The following TENM2 variants were observed in gnomAD, a reference collection of about 807,000 sequenced individuals.
TENM2 encodes the protein teneurin-2.
TENM2 carries 52 observed loss-of-function variants against 245.2 expected under a neutral mutation model. The ratio of observed to expected loss-of-function variants is 0.21; its 90% CI spans 0.17 to 0.27. The LOEUF (loss-of-function observed/expected upper bound fraction) is 0.27. Among genes scored for constraint, TENM2 ranks in the 10% least tolerant of loss-of-function variants. The pLI is 1.00. For synonymous variants in TENM2, 1,363 were observed against 1,438.9 expected (o/e 0.95, Z 1.19); for missense variants, 3,046 against 3,666.8 (o/e 0.83, Z 4.37).
Position 167,368,323 on chromosome 5 carries a change from G to A in TENM2, c.227-6875G>A, listed in dbSNP as rs192227173. Among the ~76,000 whole-genome samples, 294 of 152,014 alleles carry A rather than the reference G, an allele frequency of 1.9e-3. 3 individuals are homozygous for A. The South Asian group carries it at 0.029, about 15-fold the overall frequency. On this transcript the variant is annotated intron_variant, in intron 1 of 28. Coordinates refer to ENST00000518659, the Ensembl canonical transcript of TENM2. ...AAAGTGATAAAGAATAACAGTTTGG[G>A]GGTGGGGCATATATAGTCATGTTAC...
At chr5:167,929,958 T>C (rs1778152497) in intron 3 of TENM2, among the ~76,000 whole-genome samples, 1 of 152,218 alleles carries the variant, frequency 6.6e-6, no homozygotes, top group African/African-American at 2.4e-5. Context: ...CCTTCTGTCC[T>C]CTTCATGCAC....
At chr5:167,653,509 C>T (rs1226669178) in intron 2 of TENM2, 1 of 152,118 alleles carries the variant, frequency 6.6e-6, no homozygotes, top group Non-Finnish European at 1.5e-5. Flanking sequence ...TCTCATATTT[C>T]CCACTTTTTT....
chr5:167,954,690 C>T (rs1010340724), intron 4 of TENM2, among the ~76,000 whole-genome samples: 2 of 152,108 alleles, frequency 1.3e-5, no homozygotes, highest in African/African-American at 2.4e-5. Flanking sequence ...TTGTTCAGCT[C>T]CCACTTATGA....
At chr5:168,236,939 CATATATATATATATATATATATATATAT>C (rs1269930483) in intron 25 of TENM2, among the ~76,000 whole-genome samples, 707 of 33,578 alleles carry the variant, frequency 0.021, 28 homozygotes, top group Middle Eastern at 0.071. Context: ...ATGTCCTAAT[CATATATATATATATATATATATATATAT>C]ATATATATAT....
intron 6 of TENM2, among the ~76,000 whole-genome samples, chr5:168,051,575 C>T (rs1448491862): frequency 2.0e-5 from 3 of 152,136 alleles, no homozygotes; most frequent in Non-Finnish European, 2.9e-5. Context: ...ATCAAACTCC[C>T]AATACATCAC....
the TENM2 span, among the ~76,000 whole-genome samples, chr5:167,221,180 T>C: frequency 6.6e-6 from 1 of 152,114 alleles, no homozygotes; most frequent in Non-Finnish European, 1.5e-5. Flanking sequence ...CCGATGGATA[T>C]GGTCCCTGCC....
chr5:167,134,687 A>G, the TENM2 span, among the ~76,000 whole-genome samples: 871 of 152,270 alleles, frequency 5.7e-3, 9 homozygotes, highest in African/African-American at 0.02. Flanking sequence ...CCCATTTTTC[A>G]ACGCTGTTTT....
At chr5:168,160,203 A>G (rs994758071) in intron 12 of TENM2, among the ~76,000 whole-genome samples, 1 of 152,176 alleles carries the variant, frequency 6.6e-6, no homozygotes, top group African/African-American at 2.4e-5. Context: ...TTCCTTGAGA[A>G]CCTGTGAAAT....
chr5:168,216,706 A>T, intron 21 of TENM2, 62 bp from the exon 24 acceptor site: 1 of 1,569,454 alleles, frequency 6.4e-7, no homozygotes, highest in Non-Finnish European at 8.8e-7. Flanking sequence ...CTCATCTCCC[A>T]CCTCCACCCC....
chr5:167,389,400 T>G (rs1181248683), intron 2 of TENM2, among the ~76,000 whole-genome samples: 2 of 151,962 alleles, frequency 1.3e-5, no homozygotes, highest in Non-Finnish European at 2.9e-5. Flanking sequence ...AGAGGGAAAT[T>G]AATAATTTTA....
intron 2 of TENM2, among the ~76,000 whole-genome samples, chr5:167,596,965 G>A (rs1053900848): frequency 1.3e-5 from 2 of 152,080 alleles, no homozygotes; most frequent in African/African-American, 4.8e-5. Context: ...AGCACCTGTA[G>A]GGGACAGTTC....
chr5:167,746,706 A>C (rs186633040), intron 2 of TENM2, among the ~76,000 whole-genome samples: 1 of 142,490 alleles, frequency 7.0e-6, no homozygotes, highest in Non-Finnish European at 1.6e-5. Context: ...AGAGAGAGAG[A>C]GAGAGAGAGC....
chr5:167,773,488 T>C (rs1165000841), intron 2 of TENM2, among the ~76,000 whole-genome samples: 2 of 152,180 alleles, frequency 1.3e-5, no homozygotes, highest in African/African-American at 4.8e-5. Context: ...ATCAACTTCA[T>C]AGATATTTTC....
At chr5:167,653,005 G>C (rs1754581472) in intron 2 of TENM2, among the ~76,000 whole-genome samples, 1 of 152,016 alleles carries the variant, frequency 6.6e-6, no homozygotes, top group Non-Finnish European at 1.5e-5. Flanking sequence ...CTAGCTTACT[G>C]CTTTTCATAT....
intron 4 of TENM2, among the ~76,000 whole-genome samples, chr5:167,979,133 A>G (rs1782649398): frequency 6.6e-6 from 1 of 152,206 alleles, no homozygotes; most frequent in African/African-American, 2.4e-5. Flanking sequence ...GCAACTCTTC[A>G]GACAGATGTC....
chr5:167,711,505 G>A (rs1466454059), intron 2 of TENM2, among the ~76,000 whole-genome samples: 1 of 152,026 alleles, frequency 6.6e-6, no homozygotes, highest in East Asian at 1.9e-4. Context: ...AATATTTCCA[G>A]CAATCTGCTT....
At chr5:167,342,205 A>G (rs772828139) in intron 1 of TENM2, among the ~76,000 whole-genome samples, 68 of 152,252 alleles carry the variant, frequency 4.5e-4, no homozygotes, top group African/African-American at 1.6e-3. Context: ...CCTGGATACC[A>G]CATTACTTAG....
intron 4 of TENM2, chr5:167,965,449 G>A (rs1781318803): frequency 1.3e-5 from 2 of 152,070 alleles, no homozygotes; most frequent in Admixed American, 6.6e-5. Context: ...AGATGCAGTG[G>A]TTCATACCTA....
chr5:167,695,200 G>A (rs1451100424), intron 2 of TENM2, among the ~76,000 whole-genome samples: 2 of 152,106 alleles, frequency 1.3e-5, no homozygotes, highest in Non-Finnish European at 1.5e-5. Flanking sequence ...CATAATGAGG[G>A]GTAGGCAAAC....
Sources: allele counts gnomAD v4.1 joint callset (sites outside exome capture counted in the v4.1 genomes callset), GRCh38; gene constraint gnomAD v4.1.1; transcripts MANE v1.5; gene names NCBI Gene and HGNC (gene_info 2026-07-23, HGNC 2026-07-21).